MTARC1: variants seen among roughly 807,000 people sequenced by gnomAD.
MTARC1 encodes mitochondrial amidoxime reducing component 1, also known as mitochondrial amidoxime-reducing component 1.
Under a neutral mutation model 33.6 loss-of-function variants are expected in MTARC1, and 24 were observed. The ratio of observed to expected loss-of-function variants is 0.72; its 90% CI spans 0.52 to 1.01. The LOEUF (loss-of-function observed/expected upper bound fraction) is 1.01, where lower values mean the gene tolerates loss of function less well. Ranked by LOEUF, MTARC1 falls within the 50% of genes least tolerant of loss-of-function variation. MTARC1 has a pLI of 0.00. For missense variants in MTARC1, 417 were observed against 445.7 expected, an observed-to-expected ratio of 0.94 and a Z score of 0.58; for synonymous variants, 187 against 189.5, an observed-to-expected ratio of 0.99 and a Z score of 0.11.
At chr1:220,811,566 G>A (rs1430775565) in intron 6 of MTARC1, among the ~76,000 whole-genome samples, 2 of 152,164 alleles carry the variant, frequency 1.3e-5, no homozygotes, top group Non-Finnish European at 2.9e-5. Flanking sequence ...GAACCAAGTT[G>A]TTGCAGTCAC....
rs148330548 is a variant in MTARC1, at chr1:220,809,555, G to T, written c.888-3737G>T. Among the ~76,000 whole-genome samples, 11 of 151,154 alleles carry T rather than the reference G, an allele frequency of 7.3e-5. No individual in the cohort carries two copies. In the South Asian group the frequency reaches 2.3e-3, roughly 32 times the overall value. ...GACAGAGTCTTACTCTGTCACCCAG[G>T]CTGGAGCACAGTGGAGCAATCTCAG... is the stretch of plus-strand genomic sequence containing the variant. On this transcript the variant is annotated intron_variant, in intron 6 of 6. Transcript: ENST00000366910.
rs764672015 is a variant in MTARC1 at position 220,797,874 on chromosome 1, A to G, written c.613A>G (p.Ile205Val). Residue 205 changes from isoleucine (I) to valine (V), a missense_variant and splice_region_variant, in exon 4 of 7, where the codon ATT becomes GTT. By Grantham distance (29) the Ile-to-Val change is conservative. Coordinates refer to ENST00000366910, the MANE Select transcript of MTARC1 (RefSeq NM_022746.4). ...IADLFRPKDQ[I>V]AYSDTSPFLI... is the part of the protein sequence containing the mutation. The stretch of plus-strand genomic sequence containing the variant: ...ATAACAATGTCTATTTCCTTATCAG[A>G]TTGCTTACTCAGACACCAGCCCATT... The G allele has an allele frequency of 3.1e-6, 5 of 1,614,146 alleles. No homozygotes were observed. In the Admixed American group the frequency reaches 6.7e-5, roughly 22 times the overall value.
intron 4 of MTARC1, chr1:220,798,493 G>A (rs1245278038): frequency 1.0e-6 from 1 of 985,308 alleles, no homozygotes; most frequent in East Asian, 1.1e-4. Context: ...TGCTTGCAGT[G>A]CCACCTTCCA....
chr1:220,800,346 T>C (rs1309481635), intron 4 of MTARC1, among the ~76,000 whole-genome samples: 1 of 152,182 alleles, frequency 6.6e-6, no homozygotes, highest in Non-Finnish European at 1.5e-5. Flanking sequence ...GCGCTGTGAA[T>C]AGACACATGA....
intron 4 of MTARC1, among the ~76,000 whole-genome samples, chr1:220,801,111 G>T (rs1053114406): frequency 3.9e-5 from 6 of 152,170 alleles, no homozygotes; most frequent in African/African-American, 1.4e-4. Flanking sequence ...TCAAGTAAAA[G>T]ATGGGATCCT....
intron 6 of MTARC1, 67 bp from the exon 7 acceptor site, chr1:220,813,225 A>G: frequency 6.2e-7 from 1 of 1,609,702 alleles, no homozygotes; most frequent in African/African-American, 1.3e-5. Context: ...GTGGGATGGA[A>G]GCCACGTGCT....
chr1:220,796,953 CT>C, intron 3 of MTARC1, 148 bp downstream of exon 3: 1 of 853,480 alleles, frequency 1.2e-6, no homozygotes, highest in Non-Finnish European at 1.7e-6. Flanking sequence ...AAATAAAGCC[CT>C]TCCCTTGGAA....
intron 4 of MTARC1, chr1:220,799,180 C>T (rs1672711687): frequency 1.6e-5 from 16 of 983,758 alleles, no homozygotes; most frequent in Non-Finnish European, 1.9e-5. Flanking sequence ...TAAAAGTACG[C>T]CCAAATCCAC....
At chr1:220,810,368 G>A (rs1432682033) in intron 6 of MTARC1, among the ~76,000 whole-genome samples, 1 of 152,280 alleles carries the variant, frequency 6.6e-6, no homozygotes, top group Admixed American at 6.5e-5. Context: ...GCGGGCTTCC[G>A]CAGCAGTAGC....
Position 220,811,613 on chromosome 1 carries a change from G to T in MTARC1, c.888-1679G>T, listed in dbSNP as rs1310556428. On this transcript the variant is annotated intron_variant, in intron 6 of 6. Coordinates refer to ENST00000366910, the MANE Select transcript of MTARC1 (RefSeq NM_022746.4). ...TTTTTAAAGCAAGGCAGAATAAAAT[G>T]AATGATTTATCTAAAATGTTTTAAA... 2.0e-5 allele frequency among the ~76,000 whole-genome samples: 3 copies of T among 146,786 alleles called. No homozygotes were observed. The Admixed American group carries it at 2.1e-4, about 10-fold the overall frequency.
At position 220,807,769 on chromosome 1, in the gene MTARC1, G is replaced by A. The variant is rs575125966; in HGVS notation, c.887+2495G>A. ...GACAGAACATTGATGAGAGGACCAG[G>A]GTTATAGCTATTCTTTGAAATGCGC... On this transcript the variant is annotated intron_variant, in intron 6 of 6. Coordinates refer to ENST00000366910, the MANE Select transcript of MTARC1 (RefSeq NM_022746.4). Among the ~76,000 whole-genome samples the A allele has an allele frequency of 3.3e-5, 5 of 152,018 alleles. 1 individual carries two copies. The South Asian group carries it at 1.0e-3, about 32-fold the overall frequency.
At chr1:220,800,903 C>G (rs879321008) in intron 4 of MTARC1, among the ~76,000 whole-genome samples, 10 of 148,646 alleles carry the variant, frequency 6.7e-5, no homozygotes, top group South Asian at 4.3e-4. Flanking sequence ...CCTTCCCCCC[C>G]ACTCCCCTCT....
rs12033121 is a variant in MTARC1, at chr1:220,787,769, T to C, written c.275+550T>C. 9.0e-3 allele frequency among the ~76,000 whole-genome samples: 1,364 copies of C among 152,048 alleles called. 10 individuals are homozygous for C. Among genetic ancestry groups the C allele is most frequent in the East Asian group, 0.06 (308 of 5,158 alleles). On this transcript the variant is annotated intron_variant, in intron 1 of 6. Coordinates refer to ENST00000366910, the MANE Select transcript of MTARC1 (RefSeq NM_022746.4). ...CTTTGGGAGGCCGAGGCGGGTGCATTACCTGAGGTCAGGAGTTCGAGACCA... is the reference window on the plus strand; with the variant it reads ...CTTTGGGAGGCCGAGGCGGGTGCATCACCTGAGGTCAGGAGTTCGAGACCA...
chr1:220,808,542 T>G (rs1673038354), intron 6 of MTARC1, among the ~76,000 whole-genome samples: 1 of 152,228 alleles, frequency 6.6e-6, no homozygotes, highest in South Asian at 2.1e-4. Flanking sequence ...CAAACAGTGG[T>G]GTCCACAGCC....
chr1:220,813,497 C>A lies in MTARC1; in HGVS notation c.*79C>A. 6.4e-7 allele frequency: 1 copy of A among 1,560,112 alleles called. No homozygotes were observed. The highest frequency in any genetic ancestry group is 8.8e-7 in the Non-Finnish European group (1 of 1,141,000). ...TGACAACACTTGAAGCATGGTGTTT[C>A]AGAACTGAGACCTCTACATTTTCTT... On this transcript the variant is annotated 3_prime_UTR_variant, in exon 7 of 7. Transcript: ENST00000366910.
At chr1:220,795,078 T>A (rs185462572) in intron 2 of MTARC1, among the ~76,000 whole-genome samples, 1 of 152,326 alleles carries the variant, frequency 6.6e-6, no homozygotes, top group East Asian at 1.9e-4. Context: ...AATCCATTTA[T>A]ACATTATTAT....
intron 6 of MTARC1, among the ~76,000 whole-genome samples, chr1:220,811,735 C>T (rs1220809376): frequency 6.6e-6 from 1 of 152,002 alleles, no homozygotes; most frequent in Non-Finnish European, 1.5e-5. Flanking sequence ...CATGTGAGTC[C>T]CACACATCTG....
At chr1:220,798,135 A>G (rs1413028061) in intron 4 of MTARC1, 121 bp downstream of exon 4, 2 of 1,609,458 alleles carry the variant, frequency 1.2e-6, no homozygotes, top group African/African-American at 1.3e-5. Context: ...TGTAATACAT[A>G]ACAATTTGAT....
chr1:220,795,206 C>G (rs2102591613), intron 2 of MTARC1, among the ~76,000 whole-genome samples: 1 of 152,286 alleles, frequency 6.6e-6, no homozygotes, highest in African/African-American at 2.4e-5. Flanking sequence ...GAGCATATCC[C>G]AGTCCTAAGA....
Sources: allele counts gnomAD v4.1 joint callset (sites outside exome capture counted in the v4.1 genomes callset), GRCh38; gene constraint gnomAD v4.1.1; transcripts MANE v1.5; gene names NCBI Gene and HGNC (gene_info 2026-07-23, HGNC 2026-07-21).